ACSF2: variants seen among roughly 807,000 people sequenced by gnomAD.
ACSF2 encodes medium-chain acyl-CoA ligase ACSF2, mitochondrial.
In ACSF2, 52 loss-of-function variants were observed where a neutral mutation model predicts 79.3. The ratio of observed to expected loss-of-function variants is 0.66; its 90% CI spans 0.53 to 0.83. ACSF2 has a LOEUF of 0.83. ACSF2 is among the 40% of genes least tolerant of loss of function. The pLI is 0.00. For missense variants in ACSF2, 661 were observed against 803.3 expected, an observed-to-expected ratio of 0.82 and a Z score of 2.14; for synonymous variants, 283 against 312.6, an observed-to-expected ratio of 0.91 and a Z score of 1.00.
At position 50,462,286 on chromosome 17, in the gene ACSF2, G is replaced by C. The variant is rs200973283; in HGVS notation, c.610G>C (p.Ala204Pro). ...CPEVENAQPG[A>P]LKSQRLPDLT... ...AGAAGTGGAGAATGCCCAGCCAGGGGCCTTGAAGAGTCAGAGGTGGGTGTG... is the reference window on the plus strand; with the variant it reads ...AGAAGTGGAGAATGCCCAGCCAGGGCCCTTGAAGAGTCAGAGGTGGGTGTG... The change falls in exon 5 of 16, where the codon GCC (alanine) becomes CCC (proline). Residue 204 changes from alanine to proline, a missense_variant. Physicochemically the swap from Ala to Pro is conservative, Grantham distance 27 (BLOSUM62 -1). Transcript: ENST00000300441. 1.6e-5 allele frequency: 26 copies of C among 1,613,992 alleles called. No homozygotes were observed. Among genetic ancestry groups the C allele is most frequent in the Non-Finnish European group, 2.1e-5 (25 of 1,179,998 alleles).
intron 1 of ACSF2, among the ~76,000 whole-genome samples, chr17:50,439,625 G>A (rs990711562): frequency 6.6e-6 from 1 of 152,186 alleles, no homozygotes; most frequent in African/African-American, 2.4e-5. Flanking sequence ...ACCACCAGCA[G>A]CAACCAAGTT....
rs528642421 is a variant in ACSF2, at chr17:50,471,336, T to A, written c.1323+201T>A. 28 of 559,308 alleles carry A rather than the reference T, an allele frequency of 5.0e-5. No individual in the cohort carries two copies. The East Asian group carries it at 8.0e-4, about 16-fold the overall frequency. The allele number at this position is 559,308 out of a possible 1,614,324, so 34.6% of individuals were successfully genotyped here. On this transcript the variant is annotated intron_variant, in intron 11 of 15. Coordinates refer to ENST00000300441, the MANE Select transcript of ACSF2 (RefSeq NM_025149.6). This position sits in a 1 kb window ranked among gnomAD's most constrained non-coding sequence, Gnocchi z 4.1. The stretch of plus-strand genomic sequence containing the variant: ...CATGAAAGGGGAAGAGCTGGAACAG[T>A]GGCTGTGAGCGGCTGCCAGCTGAAC...
chr17:50,452,872 C>T (rs1469713957), intron 1 of ACSF2, among the ~76,000 whole-genome samples: 1 of 152,166 alleles, frequency 6.6e-6, no homozygotes, highest in Non-Finnish European at 1.5e-5. Flanking sequence ...GGAAGAGCCA[C>T]CTGTTTCCAA....
intron 10 of ACSF2, chr17:50,468,910 C>A: frequency 7.1e-7 from 1 of 1,416,792 alleles, no homozygotes; most frequent in Non-Finnish European, 9.1e-7. Flanking sequence ...CCTCTTTATA[C>A]GGTGGCCCTG....
intron 1 of ACSF2, among the ~76,000 whole-genome samples, chr17:50,442,652 G>A (rs190009075): frequency 6.2e-4 from 95 of 152,170 alleles, no homozygotes; most frequent in African/African-American, 2.1e-3. Flanking sequence ...TTTTTGTAGA[G>A]ACGGGGTCTC....
chr17:50,441,347 G>C (rs888657476), intron 1 of ACSF2, among the ~76,000 whole-genome samples: 1 of 152,170 alleles, frequency 6.6e-6, no homozygotes, highest in African/African-American at 2.4e-5. Flanking sequence ...AATTTTTTTG[G>C]TGTTTTTTGT....
Position 50,426,222 on chromosome 17 carries a change from T to C in ACSF2, c.-40T>C. 1 of 1,274,128 alleles carries C rather than the reference T, an allele frequency of 7.8e-7. No homozygotes were observed. The highest frequency in any genetic ancestry group is 1.0e-6 in the Non-Finnish European group (1 of 1,003,628). The allele number at this position is 1,274,128 out of a possible 1,614,324, so 78.9% of individuals were successfully genotyped here. A position where few individuals can be genotyped will look rare whatever the true frequency, so the allele number is the denominator to read the frequency against. Reference sequence around the variant, plus strand: ...GCGCCCGCCCCGCCCCGGCTCACTTTAAAAGTTTACTCGGGCCGGGACGCA... The same window carrying C: ...GCGCCCGCCCCGCCCCGGCTCACTTCAAAAGTTTACTCGGGCCGGGACGCA... On this transcript the variant is annotated 5_prime_UTR_variant, in exon 1 of 16. Transcript: ENST00000300441.
At chr17:50,438,947 ATT>A (rs973853075) in intron 1 of ACSF2, among the ~76,000 whole-genome samples, 4 of 152,292 alleles carry the variant, frequency 2.6e-5, no homozygotes, top group Admixed American at 2.6e-4. Context: ...ATCTTGTATC[ATT>A]TGATCTGTTT....
At chr17:50,467,961 T>C in intron 10 of ACSF2, 1 of 1,432,788 alleles carries the variant, frequency 7.0e-7, no homozygotes, top group South Asian at 1.4e-5. Flanking sequence ...CGGGGGATGG[T>C]GCCAGCTGTG....
At chr17:50,451,801 C>A (rs1386825651) in intron 1 of ACSF2, among the ~76,000 whole-genome samples, 1 of 152,122 alleles carries the variant, frequency 6.6e-6, no homozygotes, top group Non-Finnish European at 1.5e-5. Flanking sequence ...TGTGGTACCT[C>A]ATTGTGGTTT....
Position 50,471,169 on chromosome 17 carries a change from T to A in ACSF2, c.1323+34T>A, listed in dbSNP as rs775328870. ...CTGACCAAGACTCCAAAGTCCCACC[T>A]CCCGTCACCCAGCTGGGGTGCACCC... On this transcript the variant is annotated intron_variant, in intron 11 of 15. Transcript: ENST00000300441. The surrounding 1 kb of genome is among the most constrained non-coding windows in gnomAD (Gnocchi z 4.1). 1 of 1,581,244 alleles carries A rather than the reference T, an allele frequency of 6.3e-7. No homozygotes were observed. Among genetic ancestry groups the A allele is most frequent in the Admixed American group, 1.7e-5 (1 of 59,908 alleles).
At chr17:50,445,489 G>C (rs750034504) in intron 1 of ACSF2, among the ~76,000 whole-genome samples, 1 of 151,970 alleles carries the variant, frequency 6.6e-6, no homozygotes, top group African/African-American at 2.4e-5. Context: ...TTACATTCCC[G>C]ACGTGTCATC....
chr17:50,469,229 CTTAT>C (rs1453480388), intron 10 of ACSF2, among the ~76,000 whole-genome samples: 1 of 152,246 alleles, frequency 6.6e-6, no homozygotes, highest in African/African-American at 2.4e-5. Context: ...GTTCCCTCAA[CTTAT>C]TTGTTTGCTC....
At position 50,471,188 on chromosome 17, in the gene ACSF2, TG is replaced by T; in HGVS notation, c.1323+54del. ...CCCACCTCCCGTCACCCAGCTGGGG[TG>T]CACCCAGCTGGGACATCGGTTGCTT... On this transcript the variant is annotated intron_variant, in intron 11 of 15. Transcript: ENST00000300441. This position sits in a 1 kb window ranked among gnomAD's most constrained non-coding sequence, Gnocchi z 4.1. 1.4e-6 allele frequency: 2 copies of T among 1,479,188 alleles called. No individual in the cohort carries two copies. Among genetic ancestry groups the T allele is most frequent in the Non-Finnish European group, 1.9e-6 (2 of 1,058,928 alleles). 91.6% of individuals were successfully genotyped at this position (1,479,188 alleles called of 1,614,324 possible). A position where few individuals can be genotyped will look rare whatever the true frequency, so the allele number is the denominator to read the frequency against.
intron 1 of ACSF2, among the ~76,000 whole-genome samples, chr17:50,434,108 G>GT (rs767777804): frequency 1.3e-4 from 19 of 151,654 alleles, no homozygotes; most frequent in Non-Finnish European, 2.4e-4. Context: ...GAGCCCAGAA[G>GT]TTTGAGACCA....
At chr17:50,457,658 C>G (rs933381325) in intron 1 of ACSF2, among the ~76,000 whole-genome samples, 1 of 152,166 alleles carries the variant, frequency 6.6e-6, no homozygotes, top group Non-Finnish European at 1.5e-5. Context: ...TCTTCTTTAC[C>G]GAATAGCCTT....
At chr17:50,465,156 C>A in intron 10 of ACSF2, 1 of 959,116 alleles carries the variant, frequency 1.0e-6, no homozygotes. Flanking sequence ...AACAGGGGAC[C>A]CAGTCGTCCC....
At chr17:50,460,207 C>T (rs1257457660) in intron 1 of ACSF2, 4 of 456,566 alleles carry the variant, frequency 8.8e-6, no homozygotes, top group Non-Finnish European at 1.8e-5. Flanking sequence ...TTCAGGCCCT[C>T]AGGAGAAAAA....
intron 1 of ACSF2, 70 bp from the exon 2 acceptor site, chr17:50,460,607 G>C (rs1390226053): frequency 1.4e-6 from 2 of 1,446,688 alleles, no homozygotes; most frequent in African/African-American, 1.4e-5. Flanking sequence ...GGCTTGGCTG[G>C]GTGTGCCATG....
Sources: gnomAD v4.1 joint callset for allele counts (sites outside exome capture counted in the v4.1 genomes callset) on GRCh38, gnomAD v4.1.1 for gene constraint, Gnocchi (gnomAD v3.1) non-coding constraint, MANE v1.5 for transcripts, NCBI Gene and HGNC (gene_info 2026-07-23, HGNC 2026-07-21) for gene names.